FSTL5: variants seen among roughly 807,000 people sequenced by gnomAD.
FSTL5 encodes the protein follistatin like 5, also known as follistatin-related protein 5.
Under a neutral mutation model 89.1 loss-of-function variants are expected in FSTL5, and 62 were observed. The observed-to-expected ratio is 0.70, with a 90% CI of 0.57 to 0.86. FSTL5 has a LOEUF of 0.86. Ranked by LOEUF, FSTL5 falls within the 40% of genes least tolerant of loss-of-function variation. FSTL5 has a pLI of 0.00. For synonymous variants in FSTL5, 383 were observed against 346.2 expected (o/e 1.11, Z -1.18); for missense variants, 1,057 against 1,001.6 (o/e 1.06, Z -0.75).
intron 8 of FSTL5, among the ~76,000 whole-genome samples, chr4:161,577,809 A>G (rs2126594807): frequency 6.6e-6 from 1 of 152,264 alleles, no homozygotes; most frequent in South Asian, 2.1e-4. Context: ...AAGCTACAAG[A>G]GCTTACACAA....
intron 6 of FSTL5, among the ~76,000 whole-genome samples, chr4:161,700,171 G>A (rs952480646): frequency 9.9e-5 from 15 of 152,230 alleles, no homozygotes; most frequent in African/African-American, 3.6e-4. Context: ...TATATCTAAT[G>A]CTTAAAATTA....
At chr4:161,468,662 T>A (rs1733831075) in intron 13 of FSTL5, among the ~76,000 whole-genome samples, 1 of 152,178 alleles carries the variant, frequency 6.6e-6, no homozygotes, top group South Asian at 2.1e-4. Context: ...ATAAAATCAT[T>A]TTTTCTTGAT....
intron 6 of FSTL5, among the ~76,000 whole-genome samples, chr4:161,726,276 G>A (rs976072045): frequency 3.0e-5 from 4 of 135,252 alleles, no homozygotes; most frequent in Non-Finnish European, 4.6e-5. Flanking sequence ...ACCCAGGCTG[G>A]AGTGCAGTGG....
At chr4:162,049,050 A>G (rs961696624) in intron 2 of FSTL5, among the ~76,000 whole-genome samples, 1 of 152,160 alleles carries the variant, frequency 6.6e-6, no homozygotes, top group African/African-American at 2.4e-5. Context: ...ACAAATTTAT[A>G]TCTCTGGGGA....
intron 3 of FSTL5, among the ~76,000 whole-genome samples, chr4:161,935,045 C>A (rs1311446073): frequency 6.6e-6 from 1 of 152,114 alleles, no homozygotes; most frequent in Admixed American, 6.6e-5. Flanking sequence ...ATATGACCAG[C>A]AATTTACTTT....
Position 161,456,717 on chromosome 4 carries a change from A to G in FSTL5, c.1717-1589T>C, listed in dbSNP as rs184730519. ...GACAATTATCCATGAACATTTTGAC[A>G]TTTCTGCAGAGTCAGGTCTTTCATA... On this transcript the variant is annotated intron_variant, in intron 14 of 15. Coordinates refer to ENST00000306100, the MANE Select transcript of FSTL5 (RefSeq NM_020116.5). Among the ~76,000 whole-genome samples, 272 of 152,288 alleles carry G rather than the reference A, an allele frequency of 1.8e-3. 1 individual carries two copies. Among genetic ancestry groups the G allele is most frequent in the Non-Finnish European group, 2.9e-3 (197 of 68,012 alleles).
chr4:161,855,168 A>C (rs112397769), intron 4 of FSTL5, among the ~76,000 whole-genome samples: 3,513 of 152,054 alleles, frequency 0.023, 131 homozygotes, highest in African/African-American at 0.078. Flanking sequence ...ATTAGGGGTA[A>C]ATTAATTATA....
intron 15 of FSTL5, among the ~76,000 whole-genome samples, chr4:161,433,676 A>C (rs1166549205): frequency 1.3e-5 from 2 of 152,174 alleles, no homozygotes; most frequent in African/African-American, 4.8e-5. Flanking sequence ...ATTCCACAGC[A>C]AACTATTAGA....
At chr4:161,481,991 A>G (rs560979661) in intron 12 of FSTL5, among the ~76,000 whole-genome samples, 1 of 152,322 alleles carries the variant, frequency 6.6e-6, no homozygotes, top group South Asian at 2.1e-4. Flanking sequence ...AGTTAGGAAA[A>G]CCACTAATAA....
At chr4:161,728,672 G>T (rs1579052135) in intron 6 of FSTL5, among the ~76,000 whole-genome samples, 2 of 152,080 alleles carry the variant, frequency 1.3e-5, no homozygotes, top group South Asian at 2.1e-4. Context: ...CCAGGCAAAA[G>T]TTATTTCCTA....
chr4:161,636,474 T>G (rs983866751), intron 7 of FSTL5, among the ~76,000 whole-genome samples: 54 of 111,298 alleles, frequency 4.9e-4, no homozygotes, highest in Non-Finnish European at 1.0e-4. Flanking sequence ...TTTTTTTTTT[T>G]ATTATACTTT....
Position 161,447,892 on chromosome 4 carries a change from T to A in FSTL5, c.1841+7112A>T, listed in dbSNP as rs140577888. ...TAAAAGTATACGTATATACTTTGTT[T>A]GACAAACAATTTATGAATATCTTCT... On this transcript the variant is annotated intron_variant, in intron 15 of 15. Transcript: ENST00000306100. 3.1e-3 allele frequency among the ~76,000 whole-genome samples: 470 copies of A among 152,276 alleles called. 9 individuals carry two copies. Among genetic ancestry groups the A allele is most frequent in the Admixed American group, 0.026 (391 of 15,272 alleles).
intron 3 of FSTL5, among the ~76,000 whole-genome samples, chr4:162,017,888 T>C (rs1482375969): frequency 6.6e-6 from 1 of 152,196 alleles, no homozygotes; most frequent in Non-Finnish European, 1.5e-5. Context: ...TTAGATCATA[T>C]TGTCCAACTC....
chr4:162,112,775 TCACACACACACA>T (rs71598742), intron 1 of FSTL5, among the ~76,000 whole-genome samples: 26 of 139,328 alleles, frequency 1.9e-4, no homozygotes, highest in African/African-American at 3.2e-4. Flanking sequence ...ACCGACACAA[TCACACACACACA>T]CACACACACA....
At chr4:161,962,142 G>A (rs1243039804) in intron 3 of FSTL5, among the ~76,000 whole-genome samples, 2 of 151,664 alleles carry the variant, frequency 1.3e-5, no homozygotes, top group East Asian at 1.9e-4. Flanking sequence ...ATCTAATAAA[G>A]TATTAAGTAT....
chr4:161,481,406 T>G (rs1729502378), intron 12 of FSTL5, among the ~76,000 whole-genome samples: 1 of 152,156 alleles, frequency 6.6e-6, no homozygotes, highest in Non-Finnish European at 1.5e-5. Context: ...ATTTTTCTAG[T>G]AAAATGTAGT....
intron 4 of FSTL5, among the ~76,000 whole-genome samples, chr4:161,803,635 A>G (rs1729866973): frequency 1.3e-5 from 2 of 152,094 alleles, no homozygotes; most frequent in Non-Finnish European, 2.9e-5. Context: ...TCATATTGAT[A>G]TATATCACTT....
intron 7 of FSTL5, among the ~76,000 whole-genome samples, chr4:161,612,674 A>G (rs117733985): frequency 6.6e-6 from 1 of 152,216 alleles, no homozygotes. Context: ...CAGTGAGGCC[A>G]TGTTGACGCT....
intron 4 of FSTL5, among the ~76,000 whole-genome samples, chr4:161,857,648 ATTAAT>A (rs1032818894): frequency 6.6e-6 from 1 of 152,188 alleles, no homozygotes; most frequent in Non-Finnish European, 1.5e-5. Flanking sequence ...TATTAAGTTT[ATTAAT>A]TTAATTATCA....
Sources: allele counts gnomAD v4.1 joint callset (sites outside exome capture counted in the v4.1 genomes callset), GRCh38; gene constraint gnomAD v4.1.1; transcripts MANE v1.5; gene names NCBI Gene and HGNC (gene_info 2026-07-23, HGNC 2026-07-21).